The following DYRK1A variants were observed in gnomAD, a reference collection of about 807,000 sequenced individuals.
DYRK1A encodes the protein dual specificity tyrosine-phosphorylation-regulated kinase 1A.
Under a neutral mutation model 79.7 loss-of-function variants are expected in DYRK1A, and 9 were observed. That is an observed-to-expected ratio of 0.11 (90% CI 0.07 to 0.20). DYRK1A has a LOEUF of 0.20. Ranked by LOEUF, DYRK1A falls within the 10% of genes least tolerant of loss-of-function variation. The probability of loss-of-function intolerance (pLI) is 1.00; values close to 1 mark genes in which losing one functional copy is unlikely to be tolerated. For synonymous variants in DYRK1A, 349 were observed against 329.7 expected, an observed-to-expected ratio of 1.06 and a Z score of -0.63; for missense variants, 622 against 956.0, an observed-to-expected ratio of 0.65 and a Z score of 4.61.
chr21:37,435,717 G>A (rs1034251684), intron 2 of DYRK1A, among the ~76,000 whole-genome samples: 1 of 152,080 alleles, frequency 6.6e-6, no homozygotes, highest in African/African-American at 2.4e-5. Context: ...TTTTTCTTAT[G>A]ACTTTGACCT....
At chr21:37,397,712 C>G (rs991000704) in intron 1 of DYRK1A, among the ~76,000 whole-genome samples, 2 of 152,080 alleles carry the variant, frequency 1.3e-5, no homozygotes, top group African/African-American at 4.8e-5. Flanking sequence ...AGGTTCAGGC[C>G]TTACCCTCTG....
chr21:37,483,062 C>T (rs1280964515), intron 5 of DYRK1A, among the ~76,000 whole-genome samples: 1 of 152,142 alleles, frequency 6.6e-6, no homozygotes, highest in Non-Finnish European at 1.5e-5. Flanking sequence ...AGGCGACATA[C>T]ATCCTCCTCA....
chr21:37,438,034 C>A (rs906390633), intron 2 of DYRK1A, among the ~76,000 whole-genome samples: 1 of 152,108 alleles, frequency 6.6e-6, no homozygotes, highest in African/African-American at 2.4e-5. Flanking sequence ...TTAATTTTAG[C>A]CATTCTAATA....
intron 1 of DYRK1A, among the ~76,000 whole-genome samples, chr21:37,408,179 T>C (rs894389375): frequency 4.6e-5 from 7 of 152,252 alleles, no homozygotes; most frequent in Admixed American, 3.3e-4. Flanking sequence ...GTTTGTAAGC[T>C]CTCTTGTCAG....
intron 1 of DYRK1A, among the ~76,000 whole-genome samples, chr21:37,379,948 A>G (rs943120856): frequency 1.3e-5 from 2 of 152,204 alleles, no homozygotes; most frequent in Non-Finnish European, 2.9e-5. Flanking sequence ...GCTATCACGG[A>G]TGTTACGTTC....
At chr21:37,470,294 AGATT>A (rs2052178793) in intron 2 of DYRK1A, among the ~76,000 whole-genome samples, 1 of 152,172 alleles carries the variant, frequency 6.6e-6, no homozygotes, top group African/African-American at 2.4e-5. Flanking sequence ...TTCGTGACAC[AGATT>A]GATTTTATGA....
At chr21:37,504,618 T>A (rs2053542018) in intron 9 of DYRK1A, 2 of 152,240 alleles carry the variant, frequency 1.3e-5, no homozygotes, top group Admixed American at 1.3e-4. Flanking sequence ...ATCTTGAGGG[T>A]TATAGTATTA....
At chr21:37,437,183 T>C (rs1304449516) in intron 2 of DYRK1A, among the ~76,000 whole-genome samples, 2 of 152,174 alleles carry the variant, frequency 1.3e-5, no homozygotes, top group Non-Finnish European at 2.9e-5. Context: ...GAAGTTTTTC[T>C]TGTAAAAAGT....
chr21:37,465,619 C>T (rs1036488765), intron 2 of DYRK1A, among the ~76,000 whole-genome samples: 1 of 152,066 alleles, frequency 6.6e-6, no homozygotes, highest in African/African-American at 2.4e-5. Flanking sequence ...AGTGGATCAC[C>T]TGAGGTCAGG....
Position 37,513,401 on chromosome 21 carries a change from A to G in DYRK1A, c.*870A>G, listed in dbSNP as rs1370864048. 10 of 152,648 alleles carry G rather than the reference A, an allele frequency of 6.6e-5. No individual in the cohort carries two copies. Among genetic ancestry groups the G allele is most frequent in the African/African-American group, 2.4e-4 (10 of 41,448 alleles). 9.5% of individuals were successfully genotyped at this position (152,648 alleles called of 1,614,324 possible). A position where few individuals can be genotyped will look rare whatever the true frequency, so the allele number is the denominator to read the frequency against. On this transcript the variant is annotated 3_prime_UTR_variant, in exon 12 of 12. Transcript: ENST00000647188. ...GGACTCGAAATTAGAAGAGCCTACC[A>G]TTTCAGATGCAATCACTTTTGGACA...
At chr21:37,489,517 C>T (rs1020229341) in intron 6 of DYRK1A, among the ~76,000 whole-genome samples, 2 of 152,018 alleles carry the variant, frequency 1.3e-5, no homozygotes, top group Non-Finnish European at 2.9e-5. Flanking sequence ...TGAAGTTTTC[C>T]AAACCTTCAG....
chr21:37,443,998 C>T (rs546713503), intron 2 of DYRK1A, among the ~76,000 whole-genome samples: 19 of 152,254 alleles, frequency 1.2e-4, no homozygotes, highest in African/African-American at 4.1e-4. Flanking sequence ...TGTAACGTTG[C>T]CCCTGGAATG....
At position 37,513,931 on chromosome 21, in the gene DYRK1A, G is replaced by T. The variant is rs573989870; in HGVS notation, c.*1400G>T. ...TTTTAAATGTCAGTTGAAAATTATG[G>T]CTGTACTATTGCTTAAACAAAACTG... On this transcript the variant is annotated 3_prime_UTR_variant, in exon 12 of 12. Transcript: ENST00000647188. The T allele has an allele frequency of 6.5e-6, 1 of 152,674 alleles. No homozygotes were observed. The highest frequency in any genetic ancestry group is 1.9e-4 in the East Asian group (1 of 5,188). 9.5% of individuals were successfully genotyped at this position (152,674 alleles called of 1,614,324 possible).
chr21:37,390,057 A>G (rs1171725772), intron 1 of DYRK1A, among the ~76,000 whole-genome samples: 1 of 150,492 alleles, frequency 6.6e-6, no homozygotes, highest in Non-Finnish European at 1.5e-5. Context: ...CCAAAGTTCT[A>G]GGCTTGCAGT....
chr21:37,426,524 G>C (rs1044834306), intron 2 of DYRK1A, among the ~76,000 whole-genome samples: 4 of 151,972 alleles, frequency 2.6e-5, no homozygotes, highest in African/African-American at 9.7e-5. Flanking sequence ...GAAAAGTGGT[G>C]ATAACCCAGG....
At chr21:37,396,642 C>G (rs917121384) in intron 1 of DYRK1A, among the ~76,000 whole-genome samples, 86 of 152,006 alleles carry the variant, frequency 5.7e-4, no homozygotes, top group African/African-American at 2.0e-3. Context: ...ACTATTCTTA[C>G]TACCTACCAT....
chr21:37,463,014 A>G (rs1481491600), intron 2 of DYRK1A, among the ~76,000 whole-genome samples: 2 of 152,238 alleles, frequency 1.3e-5, no homozygotes, highest in South Asian at 2.1e-4. Flanking sequence ...GTTTTTATCC[A>G]TAACCCATTG....
At chr21:37,482,698 G>T (rs912785306) in intron 5 of DYRK1A, among the ~76,000 whole-genome samples, 13 of 152,134 alleles carry the variant, frequency 8.5e-5, no homozygotes, top group African/African-American at 2.9e-4. Context: ...GTCCTAATAA[G>T]CCTGGGGGTG....
chr21:37,382,322 C>CCT (rs762654670), intron 1 of DYRK1A, among the ~76,000 whole-genome samples: 129 of 152,086 alleles, frequency 8.5e-4, no homozygotes, highest in Non-Finnish European at 1.7e-3. Flanking sequence ...GATCCTCCTG[C>CCT]CTCAGCCTCA....
Sources: allele counts gnomAD v4.1 joint callset (sites outside exome capture counted in the v4.1 genomes callset), GRCh38; gene constraint gnomAD v4.1.1; transcripts MANE v1.5; gene names NCBI Gene and HGNC (gene_info 2026-07-23, HGNC 2026-07-21).